Variants in XRCC4 observed in about 807,000 individuals in gnomAD.
XRCC4 encodes the protein DNA repair protein XRCC4.
In XRCC4, 28 loss-of-function variants were observed where a neutral mutation model predicts 39.1. The ratio of observed to expected loss-of-function variants is 0.72; its 90% CI spans 0.53 to 0.98. The LOEUF is 0.98. XRCC4 is among the 50% of genes least tolerant of loss of function. The pLI is 0.00. For synonymous variants in XRCC4, 123 were observed against 126.4 expected (o/e 0.97, Z 0.18); for missense variants, 350 against 376.4 (o/e 0.93, Z 0.58).
At chr5:83,160,551 A>G (rs1749154393) in intron 3 of XRCC4, among the ~76,000 whole-genome samples, 1 of 152,174 alleles carries the variant, frequency 6.6e-6, no homozygotes, top group Non-Finnish European at 1.5e-5. Flanking sequence ...GTTTCTGCAG[A>G]TGCTGCAAGT....
At chr5:83,159,849 C>T (rs1042837245) in intron 3 of XRCC4, among the ~76,000 whole-genome samples, 5 of 152,000 alleles carry the variant, frequency 3.3e-5, no homozygotes, top group Admixed American at 3.3e-4. Flanking sequence ...CTATGGACAC[C>T]TGACAGGATA....
intron 3 of XRCC4, among the ~76,000 whole-genome samples, chr5:83,175,887 G>A (rs919269622): frequency 2.6e-5 from 4 of 152,122 alleles, no homozygotes; most frequent in Admixed American, 1.3e-4. Flanking sequence ...AGGATTATAG[G>A]CGTGAGCCAC....
intron 7 of XRCC4, among the ~76,000 whole-genome samples, chr5:83,349,565 A>G (rs971716261): frequency 6.6e-6 from 1 of 152,184 alleles, no homozygotes; most frequent in African/African-American, 2.4e-5. Context: ...TAAGCCCCTC[A>G]TGACATCAGA....
intron 3 of XRCC4, among the ~76,000 whole-genome samples, chr5:83,157,516 G>A (rs1021184111): frequency 6.6e-6 from 1 of 151,998 alleles, no homozygotes; most frequent in Non-Finnish European, 1.5e-5. Context: ...CATGAAACAG[G>A]TTTGAGAAAA....
At chr5:83,358,472 T>C (rs1296834871), downstream of XRCC4, among the ~76,000 whole-genome samples, 2 of 152,122 alleles carry the variant, frequency 1.3e-5, no homozygotes, top group Non-Finnish European at 2.9e-5. Context: ...GGGCTTTCAT[T>C]TAAAACTCTC....
At chr5:83,258,092 A>G (rs936071233) in intron 6 of XRCC4, among the ~76,000 whole-genome samples, 3 of 152,120 alleles carry the variant, frequency 2.0e-5, no homozygotes, top group African/African-American at 7.2e-5. Flanking sequence ...AATATAGATG[A>G]CAAGTTGATG....
At chr5:83,352,608 A>G (rs762876246) in intron 7 of XRCC4, among the ~76,000 whole-genome samples, 1 of 152,260 alleles carries the variant, frequency 6.6e-6, no homozygotes, top group Non-Finnish European at 1.5e-5. Context: ...ATAAATGATT[A>G]TGGACCAACA....
chr5:83,171,165 G>A (rs1042459036), intron 3 of XRCC4, among the ~76,000 whole-genome samples: 2 of 151,928 alleles, frequency 1.3e-5, no homozygotes, highest in Admixed American at 6.6e-5. Flanking sequence ...TTACATGAAT[G>A]CCTAGTCCTC....
chr5:83,351,840 G>A (rs1757093296), intron 7 of XRCC4, among the ~76,000 whole-genome samples: 1 of 152,120 alleles, frequency 6.6e-6, no homozygotes, highest in African/African-American at 2.4e-5. Flanking sequence ...AATAATCTGT[G>A]CAACTAGGTA....
In XRCC4 at chr5:83,216,976, A is replaced by G. The variant is rs796612827; in HGVS notation, c.745+12055A>G. On this transcript the variant is annotated intron_variant, in intron 6 of 7. Coordinates refer to ENST00000396027, the MANE Select transcript of XRCC4 (RefSeq NM_003401.5). ...TATGGTGTATCAATTGTTCATTAATAAAAACTTTCTAAGAGTTTCTTTCTA... is the reference window on the plus strand; with the variant it reads ...TATGGTGTATCAATTGTTCATTAATGAAAACTTTCTAAGAGTTTCTTTCTA... 7.9e-5 allele frequency among the ~76,000 whole-genome samples: 12 copies of G among 151,944 alleles called. No individual in the cohort carries two copies. The South Asian group carries it at 2.5e-3, about 31-fold the overall frequency.
chr5:83,144,569 C>T (rs1162927236), intron 3 of XRCC4, among the ~76,000 whole-genome samples: 1 of 110,032 alleles, frequency 9.1e-6, no homozygotes, highest in African/African-American at 3.4e-5. Context: ...CCCCCCCACC[C>T]CCACGGATTG....
At chr5:83,132,754 A>G (rs1217471095) in intron 3 of XRCC4, among the ~76,000 whole-genome samples, 1 of 151,988 alleles carries the variant, frequency 6.6e-6, no homozygotes, top group East Asian at 1.9e-4. Context: ...GGTCTCTTCT[A>G]TGCTGTTTAT....
downstream of XRCC4, among the ~76,000 whole-genome samples, chr5:83,355,601 A>G (rs2112244721): frequency 6.6e-6 from 1 of 152,356 alleles, no homozygotes; most frequent in Admixed American, 6.5e-5. Flanking sequence ...TTTGTGAATA[A>G]TGGTAAATAA....
chr5:83,175,372 A>T (rs905331564), intron 3 of XRCC4, among the ~76,000 whole-genome samples: 1 of 152,096 alleles, frequency 6.6e-6, no homozygotes, highest in Non-Finnish European at 1.5e-5. Flanking sequence ...TACATCCCAT[A>T]ATAGGAATAT....
intron 6 of XRCC4, among the ~76,000 whole-genome samples, chr5:83,223,106 A>G (rs550131281): frequency 1.3e-5 from 2 of 152,152 alleles, no homozygotes; most frequent in African/African-American, 2.4e-5. Flanking sequence ...CGTGTCATCT[A>G]TCCTGGAAGA....
chr5:83,200,858 A>G (rs1316859297), intron 4 of XRCC4, among the ~76,000 whole-genome samples: 4 of 152,178 alleles, frequency 2.6e-5, no homozygotes, highest in African/African-American at 9.7e-5. Flanking sequence ...TGAAAATATT[A>G]TAGGAAGATA....
intron 7 of XRCC4, chr5:83,280,552 A>G (rs767127691): frequency 5.7e-5 from 31 of 547,424 alleles, no homozygotes; most frequent in South Asian, 2.5e-5. Context: ...AGGCCCCTGC[A>G]CTGGAGCCCA....
intron 6 of XRCC4, among the ~76,000 whole-genome samples, chr5:83,228,747 G>A (rs1752382891): frequency 6.6e-6 from 1 of 152,030 alleles, no homozygotes; most frequent in Non-Finnish European, 1.5e-5. Flanking sequence ...AACTTAGGTA[G>A]AGTGTACCGG....
chr5:83,255,326 A>G (rs1244834578), intron 6 of XRCC4, among the ~76,000 whole-genome samples: 1 of 152,200 alleles, frequency 6.6e-6, no homozygotes, highest in Non-Finnish European at 1.5e-5. Flanking sequence ...CATTTATGTG[A>G]AAAACTGAGG....
Sources: allele counts gnomAD v4.1 joint callset (sites outside exome capture counted in the v4.1 genomes callset), GRCh38; gene constraint gnomAD v4.1.1; transcripts MANE v1.5; gene names NCBI Gene and HGNC (gene_info 2026-07-23, HGNC 2026-07-21).